ABCA3: variants seen among roughly 807,000 people sequenced by gnomAD.
ABCA3 encodes ATP binding cassette subfamily A member 3.
A neutral mutation model predicts 172.8 loss-of-function variants in ABCA3; 88 were observed. The ratio of observed to expected loss-of-function variants is 0.51; its 90% confidence interval spans 0.43 to 0.61. ABCA3 has a LOEUF of 0.61. Among genes scored for constraint, ABCA3 ranks in the 20% least tolerant of loss-of-function variants. ABCA3 has a pLI of 0.00. For synonymous variants in ABCA3, 1,066 were observed against 983.8 expected (o/e 1.08, Z -1.56); for missense variants, 2,164 against 2,301.0 (o/e 0.94, Z 1.22).
chr16:2,325,405 G>A (rs993351314), intron 5 of ABCA3, among the ~76,000 whole-genome samples: 3 of 152,292 alleles, frequency 2.0e-5, no homozygotes, highest in Non-Finnish European at 4.4e-5. Context: ...TGGGCGGCCA[G>A]CCCTGGTCCC....
chr16:2,284,697 G>T lies in ABCA3; in HGVS notation c.3703+82C>A. On this transcript the variant is annotated intron_variant, in intron 24 of 32. Transcript: ENST00000301732. This position sits in a 1 kb window ranked among gnomAD's most constrained non-coding sequence, Gnocchi z 5.9. ...GGGCCCATTGCCTGAGTCCCGCCTC[G>T]GCTGTGGCTGGTGCCTCCCTGTCTG... 3 of 1,458,870 alleles carry T rather than the reference G, an allele frequency of 2.1e-6. No homozygotes were observed. Among genetic ancestry groups the T allele is most frequent in the Non-Finnish European group, 2.8e-6 (3 of 1,064,804 alleles). The allele number at this position is 1,458,870 out of a possible 1,614,324, so 90.4% of individuals were successfully genotyped here.
chr16:2,326,044 CT>C lies in ABCA3; in HGVS notation c.284del (p.Glu95GlyfsTer8). 1 of 1,614,058 alleles carries C rather than the reference CT, an allele frequency of 6.2e-7. No individual in the cohort carries two copies. The highest frequency in any genetic ancestry group is 8.5e-7 in the Non-Finnish European group (1 of 1,180,024). The part of the protein sequence containing the change: ...SHSDAAKTVT[E>X]TVRRALVINM... ...TGATCACAAGTGCCCTGCGCACTGT[CT>C]CAGTGACGGTCTTGGCAGCGTCACT... On this transcript the variant is annotated frameshift_variant, in exon 5 of 33. Coordinates refer to ENST00000301732, the MANE Select transcript of ABCA3 (RefSeq NM_001089.3). LOFTEE classifies it high-confidence loss of function.
intron 1 of ABCA3, among the ~76,000 whole-genome samples, chr16:2,333,689 C>CTT (rs879623326): frequency 7.9e-5 from 11 of 138,920 alleles, no homozygotes; most frequent in Admixed American, 7.2e-5. Flanking sequence ...AAATAACATT[C>CTT]TTTTTTTTTT....
Position 2,297,860 on chromosome 16 carries a change from C to T in ABCA3, c.1958G>A (p.Gly653Asp). ...CCGTGAGTTCCACTTGTCCTCCAGG[C>T]CGATGATGTGCAGCATCTGCTTGAC... ...EEVKQMLHII[G>D]LEDKWNSRSR... Residue 653 changes from glycine to aspartate, a missense_variant, in exon 16 of 33, where the codon GGC becomes GAC. Around this residue, in one of 3 missense-constraint regions of ABCA3, gnomAD observed 1,343 missense variants for 1,369.6 expected, o/e 0.98. Transcript: ENST00000301732. This position sits in a 1 kb window ranked among gnomAD's most constrained non-coding sequence, Gnocchi z 5.6. 1 of 1,613,882 alleles carries T rather than the reference C, an allele frequency of 6.2e-7. No homozygotes were observed. The highest frequency in any genetic ancestry group is 8.5e-7 in the Non-Finnish European group (1 of 1,180,046).
Position 2,277,468 on chromosome 16 carries a change from A to C in ABCA3, c.4983+129T>G. ...CCCCAAACCAGCACGTATCAGGCTG[A>C]GTGTTAGGGGAGAAATGGAAAGTGA... is the stretch of plus-strand genomic sequence containing the variant. On this transcript the variant is annotated intron_variant, in intron 32 of 32. Transcript: ENST00000301732. The surrounding 1 kb of genome is among the most constrained non-coding windows in gnomAD (Gnocchi z 5.3). 1.1e-6 allele frequency: 1 copy of C among 943,598 alleles called. No homozygotes were observed. Among genetic ancestry groups the C allele is most frequent in the Non-Finnish European group, 1.7e-6 (1 of 601,432 alleles). 58.5% of individuals were successfully genotyped at this position (943,598 alleles called of 1,614,324 possible).
Position 2,286,612 on chromosome 16 carries a change from A to C in ABCA3, c.3278+82T>G, listed in dbSNP as rs1010922577. On this transcript the variant is annotated intron_variant, in intron 22 of 32. Coordinates refer to ENST00000301732, the MANE Select transcript of ABCA3 (RefSeq NM_001089.3). This position sits in a 1 kb window ranked among gnomAD's most constrained non-coding sequence, Gnocchi z 5.2. ...TTTGGGAGGGCAGACACAATGCTCT[A>C]TCTATGGGCCCGTGGCAGTGCCCAG... 1.3e-6 allele frequency: 2 copies of C among 1,568,820 alleles called. No homozygotes were observed. The highest frequency in any genetic ancestry group is 1.7e-6 in the Non-Finnish European group (2 of 1,151,088).
In ABCA3 at chr16:2,338,975, C is replaced by T. The variant is rs184202088; in HGVS notation, c.-539+1598G>A. ...TTCGCCATGTTGGCCAGGCTGGTCTCGAACTCCTGAACTCAAGTGATCCGC... is the reference window on the plus strand; with the variant it reads ...TTCGCCATGTTGGCCAGGCTGGTCTTGAACTCCTGAACTCAAGTGATCCGC... On this transcript the variant is annotated intron_variant, in intron 1 of 32. Transcript: ENST00000301732. 1.2e-4 allele frequency among the ~76,000 whole-genome samples: 19 copies of T among 152,108 alleles called. No homozygotes were observed. The East Asian group carries it at 3.5e-3, about 28-fold the overall frequency.
rs1312221875 is a variant in ABCA3 at position 2,281,141 on chromosome 16, C to T, written c.4245G>A (p.Leu1415=). The T allele has an allele frequency of 1.2e-6, 2 of 1,613,770 alleles. No individual in the cohort carries two copies. The highest frequency in any genetic ancestry group is 2.2e-5 in the East Asian group (1 of 44,900). Residue 1415 remains leucine, a synonymous_variant, in exon 28 of 33, where the codon CTG becomes CTA. Transcript: ENST00000301732. This position sits in a 1 kb window ranked among gnomAD's most constrained non-coding sequence, Gnocchi z 4.7. ...AVQKGECFGL[L]GFNGAGKTTT... ...TGGTCTTCCCGGCTCCATTGAAGCC[C>T]AGCAGGCCGAAGCACTCCCCTTTCT...
Position 2,286,565 on chromosome 16 carries a change from G to T in ABCA3, c.3278+129C>A. On this transcript the variant is annotated intron_variant, in intron 22 of 32. Transcript: ENST00000301732. The surrounding 1 kb of genome is among the most constrained non-coding windows in gnomAD (Gnocchi z 5.2). Reference sequence around the variant, plus strand: ...GATGGTGGAGGAGGATGTGGCAGGGGTTTCCCACCAGACCCAGGGGCTTTG... The same window carrying T: ...GATGGTGGAGGAGGATGTGGCAGGGTTTTCCCACCAGACCCAGGGGCTTTG... 1 of 1,275,326 alleles carries T rather than the reference G, an allele frequency of 7.8e-7. No individual in the cohort carries two copies. Among genetic ancestry groups the T allele is most frequent in the South Asian group, 1.4e-5 (1 of 71,546 alleles). The allele number at this position is 1,275,326 out of a possible 1,614,324, so 79.0% of individuals were successfully genotyped here.
Position 2,297,298 on chromosome 16 carries a change from G to C in ABCA3, c.2263+31C>G. On this transcript the variant is annotated intron_variant, in intron 17 of 32. Coordinates refer to ENST00000301732, the MANE Select transcript of ABCA3 (RefSeq NM_001089.3). The surrounding 1 kb of genome is among the most constrained non-coding windows in gnomAD (Gnocchi z 5.6). ...CCCTCAGCACGGCAGCCAGGACACC[G>C]ACCCTGTCGCGGGCTGGCCCCACCG... The C allele has an allele frequency of 6.2e-7, 1 of 1,605,416 alleles. No individual in the cohort carries two copies. The highest frequency in any genetic ancestry group is 8.5e-7 in the Non-Finnish European group (1 of 1,178,856).
intron 10 of ABCA3, among the ~76,000 whole-genome samples, chr16:2,308,899 T>C (rs575888006): frequency 7.3e-5 from 11 of 151,280 alleles, no homozygotes; most frequent in Non-Finnish European, 1.6e-4. Context: ...TCCCTGACAC[T>C]GCACACCTCA....
At chr16:2,310,011 C>A (rs1362478910) in intron 10 of ABCA3, among the ~76,000 whole-genome samples, 2 of 151,950 alleles carry the variant, frequency 1.3e-5, no homozygotes, top group Non-Finnish European at 2.9e-5. Context: ...ATATATATAT[C>A]CATATTTATT....
rs762374663 is a variant in ABCA3 at position 2,281,549 on chromosome 16, C to T, written c.4036-40G>A. On this transcript the variant is annotated intron_variant, in intron 26 of 32. Transcript: ENST00000301732. The surrounding 1 kb of genome is among the most constrained non-coding windows in gnomAD (Gnocchi z 4.7). ...CAAAGACCGCATGCGTGAACCCAGC[C>T]GCAGGGCGGCTTCCGTGGAGAAGGG... The T allele has an allele frequency of 6.1e-5, 71 of 1,160,724 alleles. No individual in the cohort carries two copies. Among genetic ancestry groups the T allele is most frequent in the African/African-American group, 1.0e-4 (6 of 59,258 alleles). The allele number at this position is 1,160,724 out of a possible 1,614,324, so 71.9% of individuals were successfully genotyped here. A position where few individuals can be genotyped will look rare whatever the true frequency, so the allele number is the denominator to read the frequency against.
rs1196061727 is a variant in ABCA3 at position 2,298,622 on chromosome 16, C to G, written c.1742-82G>C. On this transcript the variant is annotated intron_variant, in intron 14 of 32. Transcript: ENST00000301732. ...GCGGTAATGACCCCCCACCCCCTCT[C>G]TGTCTCCCCTAATTTCCTCTGAGGA... 2.0e-6 allele frequency: 3 copies of G among 1,530,854 alleles called. No individual in the cohort carries two copies. In the African/African-American group the frequency reaches 5.1e-5, roughly 26 times the overall value. 94.8% of individuals were successfully genotyped at this position (1,530,854 alleles called of 1,614,324 possible).
rs751644185 is a variant in ABCA3, at chr16:2,285,417, G to A, written c.3483+25C>T. 1.4e-5 allele frequency: 23 copies of A among 1,590,180 alleles called. No homozygotes were observed. Among genetic ancestry groups the A allele is most frequent in the East Asian group, 2.3e-5 (1 of 43,846 alleles). ...AGCCCTCTGCGGTCTGCAGGGGAAC[G>A]GATCCAGCACCCTCCGGCGCTCACC... On this transcript the variant is annotated intron_variant, in intron 23 of 32. Coordinates refer to ENST00000301732, the MANE Select transcript of ABCA3 (RefSeq NM_001089.3). The surrounding 1 kb of genome is among the most constrained non-coding windows in gnomAD (Gnocchi z 4.7).
rs1182927297 is a variant in ABCA3 at position 2,280,946 on chromosome 16, C to T, written c.4359+81G>A. 2.6e-6 allele frequency: 4 copies of T among 1,552,420 alleles called. No homozygotes were observed. The Admixed American group carries it at 5.1e-5, about 20-fold the overall frequency. On this transcript the variant is annotated intron_variant, in intron 28 of 32. Transcript: ENST00000301732. ...AGATGCAGCAGCTGTTTGGGGACAGCATCCCTCTGTCCCTGCCTCCAGGGT... is the reference window on the plus strand; with the variant it reads ...AGATGCAGCAGCTGTTTGGGGACAGTATCCCTCTGTCCCTGCCTCCAGGGT...
At position 2,319,829 on chromosome 16, in the gene ABCA3, C is replaced by G; in HGVS notation, c.625G>C (p.Glu209Gln). 1 of 1,613,770 alleles carries G rather than the reference C, an allele frequency of 6.2e-7. No individual in the cohort carries two copies. The highest frequency in any genetic ancestry group is 8.5e-7 in the Non-Finnish European group (1 of 1,180,016). The change falls in exon 8 of 33, where the codon GAA becomes CAA. Residue 209 changes from glutamate to glutamine, a missense_variant. Glu to Gln is a conservative substitution (Grantham distance 29). Around this residue, in one of 3 missense-constraint regions of ABCA3, gnomAD observed 1,343 missense variants for 1,369.6 expected, o/e 0.98. Coordinates refer to ENST00000301732, the MANE Select transcript of ABCA3 (RefSeq NM_001089.3). The part of the protein sequence containing the change: ...PDGGEPGYIR[E>Q]GFLAVQHAVD... ...GCATGCTGCACGGCCAGGAAGCCTT[C>G]CCGGATGTACCCTGGGTGCGGGAGC...
Position 2,284,783 on chromosome 16 carries a change from G to A in ABCA3, c.3699C>T (p.Ile1233=). The change falls in exon 24 of 33, where the codon ATC becomes ATT. Residue 1233 remains isoleucine (I), a synonymous_variant. Transcript: ENST00000301732. The surrounding 1 kb of genome is among the most constrained non-coding windows in gnomAD (Gnocchi z 5.9). ...ATFLMVTIMR[I]PAVKLEELSK... Reference sequence around the variant, plus strand: ...GGGTGGTCTCCAGGTGCCCACCTGGGATGCGCATGATGGTGACCATCAGGA... The same window carrying A: ...GGGTGGTCTCCAGGTGCCCACCTGGAATGCGCATGATGGTGACCATCAGGA... 1.2e-6 allele frequency: 2 copies of A among 1,613,514 alleles called. No individual in the cohort carries two copies. Among genetic ancestry groups the A allele is most frequent in the Non-Finnish European group, 1.7e-6 (2 of 1,179,848 alleles).
intron 1 of ABCA3, chr16:2,339,438 G>T (rs2141755790): frequency 6.6e-6 from 1 of 152,292 alleles, no homozygotes; most frequent in South Asian, 2.1e-4. Flanking sequence ...TGAAAGTGTG[G>T]GGGAGATTCC....
Sources: gnomAD v4.1 joint callset for allele counts (sites outside exome capture counted in the v4.1 genomes callset) on GRCh38, gnomAD v4.1.1 for gene constraint, gnomAD v4.1.1 regional missense constraint, Gnocchi (gnomAD v3.1) non-coding constraint, MANE v1.5 for transcripts, NCBI Gene and HGNC (gene_info 2026-07-23, HGNC 2026-07-21) for gene names.